Variants in LRFN1 observed in about 807,000 individuals in gnomAD.
The protein encoded by LRFN1 is leucine-rich repeat and fibronectin type III domain-containing protein 1.
A neutral mutation model predicts 31.8 loss-of-function variants in LRFN1; 20 were observed. The observed-to-expected ratio is 0.63, with a 90% CI of 0.44 to 0.91. LRFN1 has a LOEUF of 0.91. Among genes scored for constraint, LRFN1 ranks in the 40% least tolerant of loss-of-function variants. The probability of loss-of-function intolerance (pLI) is 0.00; values close to 1 mark genes in which losing one functional copy is unlikely to be tolerated. For missense variants in LRFN1, 912 were observed against 1,129.8 expected (o/e 0.81, Z 2.76); for synonymous variants, 514 against 541.3 (o/e 0.95, Z 0.70).
At chr19:39,313,845 C>CAAG in intron 4 of LRFN1, 86 bp downstream of exon 4, 1 of 1,324,130 alleles carries the variant, frequency 7.6e-7, no homozygotes, top group Non-Finnish European at 1.0e-6. Flanking sequence ...CCTGGCTGAG[C>CAAG]AAGAAGGCCA....
Position 39,315,390 on chromosome 19 carries a change from C to T in LRFN1, c.-37-17G>A. The T allele has an allele frequency of 2.1e-6, 3 of 1,411,296 alleles. No homozygotes were observed. The highest frequency in any genetic ancestry group is 2.9e-5 in the Admixed American group (1 of 34,960). The allele number at this position is 1,411,296 out of a possible 1,614,324, so 87.4% of individuals were successfully genotyped here. On this transcript the variant is annotated splice_polypyrimidine_tract_variant and intron_variant, in intron 3 of 4. Coordinates refer to ENST00000248668, the MANE Select transcript of LRFN1 (RefSeq NM_020862.2). This position sits in a 1 kb window ranked among gnomAD's most constrained non-coding sequence, Gnocchi z 4.7. ...AGGTGAGACCTGCCGGGGAAGGAGC[C>T]GGTTACCCAGGCGTGGGACTTGGCC... is the stretch of plus-strand genomic sequence containing the variant.
Position 39,308,973 on chromosome 19 carries a change from C to T in LRFN1, c.1407-431G>A, listed in dbSNP as rs571560210. On this transcript the variant is annotated intron_variant, in intron 4 of 4. Transcript: ENST00000248668. This position sits in a 1 kb window ranked among gnomAD's most constrained non-coding sequence, Gnocchi z 6.2. ...CCAAAACTGGGCCAACGCTACTGGC[C>T]ACCTCCCCTTTTCTGCATGCCCCAT... Among the ~76,000 whole-genome samples the T allele has an allele frequency of 1.3e-5, 2 of 152,338 alleles. No homozygotes were observed. Among genetic ancestry groups the T allele is most frequent in the Admixed American group, 6.5e-5 (1 of 15,298 alleles).
At chr19:39,311,395 TC>T (rs1185623041) in intron 4 of LRFN1, among the ~76,000 whole-genome samples, 1 of 151,462 alleles carries the variant, frequency 6.6e-6, no homozygotes, top group Non-Finnish European at 1.5e-5. Flanking sequence ...CTTGTGAACC[TC>T]CCCCACCCCA....
intron 1 of LRFN1, among the ~76,000 whole-genome samples, chr19:39,319,426 A>T (rs1340258741): frequency 7.6e-6 from 1 of 131,564 alleles, no homozygotes; most frequent in Non-Finnish European, 1.5e-5. Context: ...GCTAACAGAT[A>T]CATACCTCAC....
Position 39,307,051 on chromosome 19 carries a change from G to C in LRFN1, c.*582C>G. 1 of 368,970 alleles carries C rather than the reference G, an allele frequency of 2.7e-6. No homozygotes were observed. The highest frequency in any genetic ancestry group is 4.8e-6 in the Non-Finnish European group (1 of 207,470). The allele number at this position is 368,970 out of a possible 1,614,324, so 22.9% of individuals were successfully genotyped here. A position where few individuals can be genotyped will look rare whatever the true frequency, so the allele number is the denominator to read the frequency against. ...GACGACAGGACAGAGAGAAAGGAGA[G>C]GCAAATAGGGAAAGACAGGCACTAC... On this transcript the variant is annotated 3_prime_UTR_variant, in exon 5 of 5. Transcript: ENST00000248668. The surrounding 1 kb of genome is among the most constrained non-coding windows in gnomAD (Gnocchi z 6.7).
Position 39,308,557 on chromosome 19 carries a change from G to C in LRFN1, c.1407-15C>G. On this transcript the variant is annotated splice_polypyrimidine_tract_variant and intron_variant, in intron 4 of 4. Coordinates refer to ENST00000248668, the MANE Select transcript of LRFN1 (RefSeq NM_020862.2). This position sits in a 1 kb window ranked among gnomAD's most constrained non-coding sequence, Gnocchi z 6.2. ...ACGGGATCATCCTGTAGGAGGGGGC[G>C]GGTTCAGGGCGGGGTTAGTCCCCCC... is the stretch of plus-strand genomic sequence containing the variant. The C allele has an allele frequency of 1.3e-6, 2 of 1,568,054 alleles. No individual in the cohort carries two copies.
Position 39,314,646 on chromosome 19 carries a change from A to G in LRFN1, c.691T>C (p.Phe231Leu). Residue 231 changes from phenylalanine to leucine, a missense_variant, in exon 4 of 5, where the codon TTC (phenylalanine) becomes CTC (leucine). Around this residue, in one of 2 missense-constraint regions of LRFN1, gnomAD observed 401 missense variants for 572.7 expected, o/e 0.70. Coordinates refer to ENST00000248668, the MANE Select transcript of LRFN1 (RefSeq NM_020862.2). ...GGCCCGGTGCCCTGCGACCTCAGGAAGAGCCCGTCGGGCGGGAGTTTATGC... is the reference window on the plus strand; with the variant it reads ...GGCCCGGTGCCCTGCGACCTCAGGAGGAGCCCGTCGGGCGGGAGTTTATGC... ...RLHKLPPDGL[F>L]LRSQGTGPKP... 2 of 1,612,166 alleles carry G rather than the reference A, an allele frequency of 1.2e-6. No individual in the cohort carries two copies. Among genetic ancestry groups the G allele is most frequent in the East Asian group, 2.2e-5 (1 of 44,790 alleles).
intron 1 of LRFN1, among the ~76,000 whole-genome samples, chr19:39,319,566 C>T (rs756259664): frequency 6.6e-6 from 1 of 152,166 alleles, no homozygotes; most frequent in Admixed American, 6.5e-5. Context: ...CAGACACATG[C>T]TCACACAACA....
Position 39,314,096 on chromosome 19 carries a change from G to A in LRFN1, c.1241C>T (p.Pro414Leu), listed in dbSNP as rs1449439817. ...AGAATCGTTGGCACCTGGTCTGCCC[G>A]GCGTGGCGATGTCAGAGGAGCCGGG... ...TEPGSSDIAT[P>L]GRPGANDSAA... The change falls in exon 4 of 5, where the codon CCG becomes CTG. Residue 414 changes from proline (P) to leucine (L), a missense_variant. Coordinates refer to ENST00000248668, the MANE Select transcript of LRFN1 (RefSeq NM_020862.2). 9.3e-6 allele frequency: 15 copies of A among 1,612,402 alleles called. No individual in the cohort carries two copies. Among genetic ancestry groups the A allele is most frequent in the Non-Finnish European group, 1.2e-5 (14 of 1,179,402 alleles).
chr19:39,308,396 G>T lies in LRFN1; in HGVS notation c.1553C>A (p.Ala518Asp), dbSNP rs762798779. 2.5e-6 allele frequency: 4 copies of T among 1,611,584 alleles called. No individual in the cohort carries two copies. Among genetic ancestry groups the T allele is most frequent in the South Asian group, 2.2e-5 (2 of 90,930 alleles). ...RVVGCVQFTT[A>D]GDPAPCRPLR... ...CGGGCGGCAGGGCGCCGGATCCCCA[G>T]CGGTGGTGAACTGTACACAGCCCAC... Residue 518 changes from alanine (A) to aspartate (D), a missense_variant, in exon 5 of 5, where the codon GCT (alanine) becomes GAT (aspartate). This residue lies in a region of LRFN1 where 511 missense variants were observed against 557.0 expected (regional missense o/e 0.92). Transcript: ENST00000248668. The surrounding 1 kb of genome is among the most constrained non-coding windows in gnomAD (Gnocchi z 6.2).
chr19:39,315,202 G>A lies in LRFN1; in HGVS notation c.135C>T (p.Pro45=), dbSNP rs1346697688. The A allele has an allele frequency of 3.8e-6, 6 of 1,581,840 alleles. No individual in the cohort carries two copies. The highest frequency in any genetic ancestry group is 4.3e-6 in the Non-Finnish European group (5 of 1,170,882). The change falls in exon 4 of 5, where the codon CCC becomes CCT. Residue 45 remains proline (P), a synonymous_variant. Coordinates refer to ENST00000248668, the MANE Select transcript of LRFN1 (RefSeq NM_020862.2). This position sits in a 1 kb window ranked among gnomAD's most constrained non-coding sequence, Gnocchi z 4.7. Reference sequence around the variant, plus strand: ...TCTTGGCGCACAGCATTGTCAGTGTGGGCGCCACGTTCTGGCAGATGCAGC... The same window carrying A: ...TCTTGGCGCACAGCATTGTCAGTGTAGGCGCCACGTTCTGGCAGATGCAGC... ...PGRCICQNVA[P]TLTMLCAKTG...
intron 4 of LRFN1, among the ~76,000 whole-genome samples, chr19:39,311,606 C>G (rs2075150598): frequency 1.3e-5 from 2 of 152,230 alleles, no homozygotes; most frequent in East Asian, 3.8e-4. Context: ...CCCCACTGAA[C>G]CTCAGTTTTT....
At position 39,307,084 on chromosome 19, in the gene LRFN1, C is replaced by T. The variant is rs1600480024; in HGVS notation, c.*549G>A. The T allele has an allele frequency of 2.3e-5, 9 of 390,618 alleles. No individual in the cohort carries two copies. The highest frequency in any genetic ancestry group is 4.1e-5 in the Non-Finnish European group (9 of 221,404). The allele number at this position is 390,618 out of a possible 1,614,324, so 24.2% of individuals were successfully genotyped here. On this transcript the variant is annotated 3_prime_UTR_variant, in exon 5 of 5. Transcript: ENST00000248668. This position sits in a 1 kb window ranked among gnomAD's most constrained non-coding sequence, Gnocchi z 6.7. ...GGGAAAGACAGGCACTACAGAGAGA[C>T]GACAAGAGGGCGGGATAGAGACAAA...
At chr19:39,318,954 T>C (rs1236955006) in intron 1 of LRFN1, among the ~76,000 whole-genome samples, 1 of 152,200 alleles carries the variant, frequency 6.6e-6, no homozygotes, top group Non-Finnish European at 1.5e-5. Flanking sequence ...GACCCCAGTA[T>C]ACCAGAGGTC....
chr19:39,307,925 C>T lies in LRFN1; in HGVS notation c.2024G>A (p.Gly675Asp), dbSNP rs929007174. The change falls in exon 5 of 5, where the codon GGC becomes GAC. Residue 675 changes from glycine to aspartate, a missense_variant. Transcript: ENST00000248668. This position sits in a 1 kb window ranked among gnomAD's most constrained non-coding sequence, Gnocchi z 6.7. The part of the protein sequence containing the change: ...AAVGPRRSRS[G>D]ALEPPTSAPP... Reference sequence around the variant, plus strand: ...CGCCGAGGTTGGTGGCTCCAGGGCGCCGGATCGGCTCCTTCGAGGGCCCAC... The same window carrying T: ...CGCCGAGGTTGGTGGCTCCAGGGCGTCGGATCGGCTCCTTCGAGGGCCCAC... The T allele has an allele frequency of 4.1e-5, 64 of 1,567,964 alleles. 1 individual carries two copies. Among genetic ancestry groups the T allele is most frequent in the South Asian group, 9.2e-5 (8 of 86,766 alleles).
In LRFN1 at chr19:39,315,016, G is replaced by A. The variant is rs1223908553; in HGVS notation, c.321C>T (p.Gly107=). 1 of 1,593,142 alleles carries A rather than the reference G, an allele frequency of 6.3e-7. No homozygotes were observed. ...SRNTIGQVAA[G]AFADLRALRA... Reference sequence around the variant, plus strand: ...GGAGGGCACGCAGGTCGGCGAAGGCGCCAGCTGCCACCTGGCCGATGGTGT... The same window carrying A: ...GGAGGGCACGCAGGTCGGCGAAGGCACCAGCTGCCACCTGGCCGATGGTGT... The change falls in exon 4 of 5, where the codon GGC becomes GGT. Residue 107 remains glycine, a synonymous_variant. Coordinates refer to ENST00000248668, the MANE Select transcript of LRFN1 (RefSeq NM_020862.2). This position sits in a 1 kb window ranked among gnomAD's most constrained non-coding sequence, Gnocchi z 4.7.
chr19:39,308,418 C>T lies in LRFN1; in HGVS notation c.1531G>A (p.Gly511Ser), dbSNP rs773817761. 6.2e-7 allele frequency: 1 copy of T among 1,611,266 alleles called. No individual in the cohort carries two copies. The highest frequency in any genetic ancestry group is 2.2e-5 in the East Asian group (1 of 44,802). Residue 511 changes from glycine to serine, a missense_variant, in exon 5 of 5, where the codon GGC becomes AGC. Around this residue, in one of 2 missense-constraint regions of LRFN1, gnomAD observed 511 missense variants for 557.0 expected, o/e 0.92. Coordinates refer to ENST00000248668, the MANE Select transcript of LRFN1 (RefSeq NM_020862.2). The surrounding 1 kb of genome is among the most constrained non-coding windows in gnomAD (Gnocchi z 6.2). ...ATALPATRVV[G>S]CVQFTTAGDP... ...CCAGCGGTGGTGAACTGTACACAGC[C>T]CACCACTCGCGTTGCCGGCAGCGCT...
chr19:39,317,518 G>A (rs1426672702), intron 2 of LRFN1, among the ~76,000 whole-genome samples: 1 of 152,154 alleles, frequency 6.6e-6, no homozygotes, highest in Non-Finnish European at 1.5e-5. Context: ...CGACAGCTGG[G>A]GTAGGACTCA....
chr19:39,316,519 C>T (rs1226610375), intron 2 of LRFN1, among the ~76,000 whole-genome samples: 1 of 152,158 alleles, frequency 6.6e-6, no homozygotes, highest in Non-Finnish European at 1.5e-5. Context: ...TAAGGGTTTC[C>T]CCCCTCCCGC....
Sources: allele counts gnomAD v4.1 joint callset (sites outside exome capture counted in the v4.1 genomes callset), GRCh38; gene constraint gnomAD v4.1.1; regional missense constraint gnomAD v4.1.1; non-coding constraint Gnocchi (gnomAD v3.1); transcripts MANE v1.5; gene names NCBI Gene and HGNC (gene_info 2026-07-23, HGNC 2026-07-21).